TGFBR3: variants seen among roughly 807,000 people sequenced by gnomAD.
TGFBR3 encodes the protein transforming growth factor beta receptor type 3.
A neutral mutation model predicts 87.9 loss-of-function variants in TGFBR3; 46 were observed. The observed-to-expected ratio is 0.52, with a 90% CI of 0.41 to 0.67. The LOEUF (loss-of-function observed/expected upper bound fraction) is 0.67, where lower values mean the gene tolerates loss of function less well. Ranked by LOEUF, TGFBR3 falls within the 30% of genes least tolerant of loss-of-function variation. The pLI, the probability that TGFBR3 is intolerant of heterozygous loss-of-function variation, is 0.00. For synonymous variants in TGFBR3, 381 were observed against 391.6 expected (o/e 0.97, Z 0.32); for missense variants, 866 against 1,041.9 (o/e 0.83, Z 2.32).
chr1:91,862,022 A>C, intron 1 of TGFBR3: 1 of 193,992 alleles, frequency 5.2e-6, no homozygotes, highest in Non-Finnish European at 1.1e-5. Context: ...CGCCTGGCTA[A>C]TTTTTGTATT....
intron 1 of TGFBR3, among the ~76,000 whole-genome samples, chr1:91,878,014 C>T (rs902988941): frequency 6.6e-6 from 1 of 152,186 alleles, no homozygotes; most frequent in African/African-American, 2.4e-5. Flanking sequence ...TGCAATGATG[C>T]AAAATGTATG....
intron 2 of TGFBR3, among the ~76,000 whole-genome samples, chr1:91,815,531 G>A (rs895018372): frequency 6.6e-6 from 1 of 152,000 alleles, no homozygotes; most frequent in African/African-American, 2.4e-5. Flanking sequence ...CAAAAAAGAA[G>A]CCCACAGGAT....
intron 3 of TGFBR3, among the ~76,000 whole-genome samples, chr1:91,771,920 G>A (rs1179083648): frequency 6.6e-6 from 1 of 151,996 alleles, no homozygotes; most frequent in Non-Finnish European, 1.5e-5. Flanking sequence ...GTGGGCAGCA[G>A]GAAGGGGGCA....
intron 1 of TGFBR3, among the ~76,000 whole-genome samples, chr1:91,875,794 G>GC (rs1406619122): frequency 2.0e-5 from 1 of 51,026 alleles, no homozygotes; most frequent in Non-Finnish European, 4.4e-5. Flanking sequence ...CGGGGGGGGG[G>GC]GGTGGGAGTG....
intron 3 of TGFBR3, among the ~76,000 whole-genome samples, chr1:91,780,920 CACACACACACACAG>C (rs1393847783): frequency 6.6e-6 from 1 of 151,074 alleles, no homozygotes; most frequent in Non-Finnish European, 1.5e-5. Flanking sequence ...CACACACACA[CACACACACACACAG>C]AGATCTCATC....
At position 91,814,728 on chromosome 1, in the gene TGFBR3, A is replaced by G. The variant is rs537440982; in HGVS notation, c.62-17257T>C. ...TCATAATAAAACTTAGGAATATTAAAGACAATAAGTGAGGAAATTCCAGAA... is the reference window on the plus strand; with the variant it reads ...TCATAATAAAACTTAGGAATATTAAGGACAATAAGTGAGGAAATTCCAGAA... On this transcript the variant is annotated intron_variant, in intron 2 of 16. Coordinates refer to ENST00000212355, the MANE Select transcript of TGFBR3 (RefSeq NM_003243.5). Among the ~76,000 whole-genome samples the G allele has an allele frequency of 3.2e-3, 494 of 152,344 alleles. 6 individuals are homozygous for G. The highest frequency in any genetic ancestry group is 0.011 in the African/African-American group (458 of 41,572).
intron 1 of TGFBR3, among the ~76,000 whole-genome samples, chr1:91,883,668 T>C (rs1193099618): frequency 6.6e-6 from 1 of 152,032 alleles, no homozygotes; most frequent in Non-Finnish European, 1.5e-5. Flanking sequence ...GTGATTTTTA[T>C]ATTTAAAAAC....
chr1:91,844,114 T>C (rs1373876579), intron 2 of TGFBR3, among the ~76,000 whole-genome samples: 1 of 152,210 alleles, frequency 6.6e-6, no homozygotes, highest in Non-Finnish European at 1.5e-5. Flanking sequence ...TTCATTTTAC[T>C]ACATCTCTTG....
In TGFBR3 at chr1:91,681,124, C is replaced by T. The variant is rs778876583; in HGVS notation, c.*2615G>A. 8 of 453,934 alleles carry T rather than the reference C, an allele frequency of 1.8e-5. No individual in the cohort carries two copies. Among genetic ancestry groups the T allele is most frequent in the Non-Finnish European group, 2.6e-5 (6 of 226,782 alleles). The allele number at this position is 453,934 out of a possible 1,614,324, so 28.1% of individuals were successfully genotyped here. ...ATACAAGAGTTCAGCTGAAATACAACAATACTTTTAAAGAAACTTGTAGTA... is the reference window on the plus strand; with the variant it reads ...ATACAAGAGTTCAGCTGAAATACAATAATACTTTTAAAGAAACTTGTAGTA... On this transcript the variant is annotated 3_prime_UTR_variant, in exon 17 of 17. Coordinates refer to ENST00000212355, the MANE Select transcript of TGFBR3 (RefSeq NM_003243.5).
At chr1:91,861,346 G>T (rs2101192959) in intron 2 of TGFBR3, 125 bp downstream of exon 2, 3 of 752,738 alleles carry the variant, frequency 4.0e-6, no homozygotes, top group Non-Finnish European at 7.1e-6. Flanking sequence ...CCTACAGTAA[G>T]CCATGATTAT....
intron 3 of TGFBR3, among the ~76,000 whole-genome samples, chr1:91,777,962 C>T (rs4658268): frequency 0.44 from 67,412 of 151,986 alleles, 15,471 homozygotes; most frequent in Middle Eastern, 0.6. Flanking sequence ...TAATCTTCTG[C>T]ATTTCAATAA....
chr1:91,846,973 T>C (rs529343192), intron 2 of TGFBR3, among the ~76,000 whole-genome samples: 1 of 152,244 alleles, frequency 6.6e-6, no homozygotes, highest in South Asian at 2.1e-4. Context: ...TCAGGACTTT[T>C]CTGGTTCAAT....
intron 16 of TGFBR3, among the ~76,000 whole-genome samples, chr1:91,690,899 T>C (rs1671240291): frequency 6.6e-6 from 1 of 152,168 alleles, no homozygotes. Flanking sequence ...CAGCTTAGAA[T>C]TTCCTCATTC....
intron 2 of TGFBR3, 125 bp from the exon 3 acceptor site, chr1:91,797,596 C>G: frequency 1.0e-6 from 1 of 1,000,390 alleles, no homozygotes; most frequent in Non-Finnish European, 1.6e-6. Context: ...TGTTCCAAGA[C>G]TAAGTGGCCA....
chr1:91,766,229 G>A (rs1255866489), intron 3 of TGFBR3, among the ~76,000 whole-genome samples: 1 of 145,054 alleles, frequency 6.9e-6, no homozygotes, highest in African/African-American at 2.6e-5. Context: ...TAGAGACAGG[G>A]TCTTGCTATG....
At chr1:91,775,325 G>A (rs765221421) in intron 3 of TGFBR3, among the ~76,000 whole-genome samples, 4 of 152,076 alleles carry the variant, frequency 2.6e-5, no homozygotes, top group Admixed American at 6.6e-5. Flanking sequence ...ATGACCAATC[G>A]CACCTCCCAC....
chr1:91,712,501 G>C lies in TGFBR3; in HGVS notation c.1908C>G (p.Ile636Met). The change falls in exon 13 of 17, where the codon ATC becomes ATG. Residue 636 changes from isoleucine to methionine, a missense_variant. Ile to Met is a conservative substitution (Grantham distance 10). Coordinates refer to ENST00000212355, the MANE Select transcript of TGFBR3 (RefSeq NM_003243.5). ...TKAEQELGFA[I>M]QTCFISPYSN... ...AATATGGAGAGATAAAGCACGTTTGGATGGCAAATCCCAGTTCTTGTTCAG... is the reference window on the plus strand; with the variant it reads ...AATATGGAGAGATAAAGCACGTTTGCATGGCAAATCCCAGTTCTTGTTCAG... 6.2e-7 allele frequency: 1 copy of C among 1,614,174 alleles called. No individual in the cohort carries two copies. The highest frequency in any genetic ancestry group is 8.5e-7 in the Non-Finnish European group (1 of 1,180,026).
At chr1:91,688,551 G>A (rs1395971090) in intron 16 of TGFBR3, among the ~76,000 whole-genome samples, 1 of 152,064 alleles carries the variant, frequency 6.6e-6, no homozygotes, top group South Asian at 2.1e-4. Flanking sequence ...CAAGAAATGC[G>A]TAATAAAAGC....
Position 91,886,143 on chromosome 1 carries a change from C to A in TGFBR3, c.-379G>T, listed in dbSNP as rs1293464732. Reference sequence around the variant, plus strand: ...AAAGTGCCGCTCGGCGTCCCCGAAACCCTCGATTACCCCCATCAGGCCGAC... The same window carrying A: ...AAAGTGCCGCTCGGCGTCCCCGAAAACCTCGATTACCCCCATCAGGCCGAC... On this transcript the variant is annotated 5_prime_UTR_variant, in exon 1 of 17. Transcript: ENST00000212355. 1 of 454,124 alleles carries A rather than the reference C, an allele frequency of 2.2e-6. No individual in the cohort carries two copies. The highest frequency in any genetic ancestry group is 4.4e-6 in the Non-Finnish European group (1 of 226,782). 28.1% of individuals were successfully genotyped at this position (454,124 alleles called of 1,614,324 possible). A position where few individuals can be genotyped will look rare whatever the true frequency, so the allele number is the denominator to read the frequency against.
Sources: gnomAD v4.1 joint callset for allele counts (sites outside exome capture counted in the v4.1 genomes callset) on GRCh38, gnomAD v4.1.1 for gene constraint, MANE v1.5 for transcripts, NCBI Gene and HGNC (gene_info 2026-07-23, HGNC 2026-07-21) for gene names.